The following PARP8 variants were observed in gnomAD, a reference collection of about 807,000 sequenced individuals.
PARP8 encodes the protein poly(ADP-ribose) polymerase family member 8.
PARP8 carries 51 observed loss-of-function variants against 124.1 expected under a neutral mutation model. That is an observed-to-expected ratio of 0.41 (90% CI 0.33 to 0.52). The LOEUF (loss-of-function observed/expected upper bound fraction) is 0.52, where lower values mean the gene tolerates loss of function less well. PARP8 is among the 20% of genes least tolerant of loss of function. The pLI, the probability that PARP8 is intolerant of heterozygous loss-of-function variation, is 0.21. For synonymous variants in PARP8, 391 were observed against 361.5 expected (o/e 1.08, Z -0.93); for missense variants, 860 against 1,018.9 (o/e 0.84, Z 2.12).
At chr5:50,812,212 G>A (rs1177730261) in intron 14 of PARP8, among the ~76,000 whole-genome samples, 1 of 152,168 alleles carries the variant, frequency 6.6e-6, no homozygotes. Context: ...CCCACCAACA[G>A]AGTAAAAACA....
chr5:50,750,192 T>A lies in PARP8; in HGVS notation c.184+4T>A. On this transcript the variant is annotated splice_donor_region_variant and intron_variant, in intron 3 of 25. Coordinates refer to ENST00000281631, the MANE Select transcript of PARP8 (RefSeq NM_024615.4). The stretch of plus-strand genomic sequence containing the variant: ...CATGTATCTGAAGATTACCCAGGTA[T>A]GCTTTTCTTGTTTTATTACAGATAT... 2 of 1,584,566 alleles carry A rather than the reference T, an allele frequency of 1.3e-6. No homozygotes were observed.
intron 2 of PARP8, among the ~76,000 whole-genome samples, chr5:50,707,608 T>C (rs1054000445): frequency 7.8e-6 from 1 of 127,932 alleles, no homozygotes; most frequent in Non-Finnish European, 1.6e-5. Flanking sequence ...GATAGAGAGA[T>C]AGAGATAGAT....
At chr5:50,682,550 C>T (rs936700842) in intron 2 of PARP8, among the ~76,000 whole-genome samples, 1 of 151,992 alleles carries the variant, frequency 6.6e-6, no homozygotes, top group African/African-American at 2.4e-5. Flanking sequence ...TTTTAAGTAT[C>T]AAATATTTTA....
chr5:50,714,696 C>T (rs1755122164), intron 2 of PARP8, among the ~76,000 whole-genome samples: 1 of 152,112 alleles, frequency 6.6e-6, no homozygotes, highest in African/African-American at 2.4e-5. Context: ...GACTGATAGG[C>T]TTTATGATGG....
Position 50,790,073 on chromosome 5 carries a change from G to GT in PARP8, c.737+1485dup, listed in dbSNP as rs1741774334. Among the ~76,000 whole-genome samples the GT allele has an allele frequency of 2.0e-5, 3 of 152,148 alleles. No homozygotes were observed. In the South Asian group the frequency reaches 6.2e-4, roughly 32 times the overall value. On this transcript the variant is annotated intron_variant, in intron 10 of 25. Coordinates refer to ENST00000281631, the MANE Select transcript of PARP8 (RefSeq NM_024615.4). ...TAAATTGGGGCAGTACTACTCAAATGTGAGTTGTGTGCCTACCACATTTGA... is the reference window on the plus strand; with the variant it reads ...TAAATTGGGGCAGTACTACTCAAATGTTGAGTTGTGTGCCTACCACATTTGA...
intron 2 of PARP8, among the ~76,000 whole-genome samples, chr5:50,733,877 A>G (rs561967627): frequency 2.0e-5 from 3 of 152,146 alleles, no homozygotes; most frequent in Non-Finnish European, 2.9e-5. Context: ...AATCTCTACT[A>G]CTTACTTGTT....
intron 14 of PARP8, among the ~76,000 whole-genome samples, chr5:50,804,781 G>A (rs6888315): frequency 0.067 from 10,199 of 152,166 alleles, 383 homozygotes; most frequent in Middle Eastern, 0.11. Context: ...TGATTCAGAC[G>A]ATTCTGATGT....
At chr5:50,815,329 T>C (rs184244664) in intron 14 of PARP8, 103 bp from the exon 15 acceptor site, 3 of 800,624 alleles carry the variant, frequency 3.7e-6, no homozygotes, top group Non-Finnish European at 5.6e-6. Flanking sequence ...TAAAAAACAC[T>C]TAAACCTTGC....
intron 2 of PARP8, among the ~76,000 whole-genome samples, chr5:50,718,176 GGT>G (rs1377949256): frequency 6.6e-6 from 1 of 151,880 alleles, no homozygotes; most frequent in African/African-American, 2.4e-5. Flanking sequence ...AAGTTGAAGA[GGT>G]GAGAATATAA....
chr5:50,771,882 C>A (rs1761664349), intron 7 of PARP8, among the ~76,000 whole-genome samples: 1 of 152,172 alleles, frequency 6.6e-6, no homozygotes, highest in African/African-American at 2.4e-5. Context: ...AGAATCCTTT[C>A]TTCTGGTTAA....
chr5:50,748,818 G>C (rs1282920003), intron 2 of PARP8, among the ~76,000 whole-genome samples: 1 of 151,954 alleles, frequency 6.6e-6, no homozygotes, highest in East Asian at 1.9e-4. Flanking sequence ...AATTTGCTTT[G>C]TGCTTTCCTG....
intron 9 of PARP8, among the ~76,000 whole-genome samples, chr5:50,779,318 C>A (rs1226129772): frequency 2.0e-5 from 3 of 152,040 alleles, no homozygotes; most frequent in African/African-American, 7.2e-5. Context: ...CTTAAAAAAA[C>A]TTCTCTCTCA....
chr5:50,708,955 A>T (rs912435333), intron 2 of PARP8, among the ~76,000 whole-genome samples: 1 of 123,236 alleles, frequency 8.1e-6, no homozygotes, highest in African/African-American at 2.6e-5. Flanking sequence ...CTGATTTTTT[A>T]TTTGTTATTT....
At chr5:50,761,693 TG>T in intron 5 of PARP8, 127 bp from the exon 6 acceptor site, 1 of 547,774 alleles carries the variant, frequency 1.8e-6, no homozygotes, top group Non-Finnish European at 3.2e-6. Flanking sequence ...GGGGTTTTAC[TG>T]CACCAAGATG....
chr5:50,747,446 ATTTTT>A (rs904764966), intron 2 of PARP8, among the ~76,000 whole-genome samples: 1 of 149,424 alleles, frequency 6.7e-6, no homozygotes, highest in Admixed American at 6.6e-5. Flanking sequence ...TGTGTTTTTA[ATTTTT>A]TTTTCTTTTT....
At chr5:50,700,319 A>T (rs981928698) in intron 2 of PARP8, among the ~76,000 whole-genome samples, 1 of 152,240 alleles carries the variant, frequency 6.6e-6, no homozygotes, top group African/African-American at 2.4e-5. Flanking sequence ...GCTTCTCTGT[A>T]GCAAAAGCCA....
At chr5:50,804,968 A>G (rs1743662997) in intron 14 of PARP8, among the ~76,000 whole-genome samples, 1 of 152,118 alleles carries the variant, frequency 6.6e-6, no homozygotes, top group Non-Finnish European at 1.5e-5. Flanking sequence ...AAATGTCACA[A>G]GTTTTACGGT....
chr5:50,707,627 C>CAGAGAGAGAGAGAG (rs34400961), intron 2 of PARP8, among the ~76,000 whole-genome samples: 1 of 145,216 alleles, frequency 6.9e-6, no homozygotes, highest in Admixed American at 6.9e-5. Flanking sequence ...ATAGGGGAGA[C>CAGAGAGAGAGAGAG]AGAGAGAGAG....
chr5:50,730,377 G>A (rs1275505149), intron 2 of PARP8, among the ~76,000 whole-genome samples: 2 of 152,126 alleles, frequency 1.3e-5, no homozygotes, highest in Non-Finnish European at 2.9e-5. Flanking sequence ...TGGCAGAAGG[G>A]GAAGCAACCA....
Sources: allele counts gnomAD v4.1 joint callset (sites outside exome capture counted in the v4.1 genomes callset), GRCh38; gene constraint gnomAD v4.1.1; transcripts MANE v1.5; gene names NCBI Gene and HGNC (gene_info 2026-07-23, HGNC 2026-07-21).